The following CNIH3 variants were observed in gnomAD, a reference collection of about 807,000 sequenced individuals.
CNIH3 encodes the protein cornichon family AMPA receptor auxiliary protein 3, also known as protein cornichon homolog 3.
In CNIH3, 14 loss-of-function variants were observed where a neutral mutation model predicts 24.1. The ratio of observed to expected loss-of-function variants is 0.58; its 90% confidence interval spans 0.38 to 0.91. The LOEUF is 0.91. Ranked by LOEUF, CNIH3 falls within the 40% of genes least tolerant of loss-of-function variation. The probability of loss-of-function intolerance (pLI) is 0.00; values close to 1 mark genes in which losing one functional copy is unlikely to be tolerated. For missense variants in CNIH3, 178 were observed against 196.8 expected (o/e 0.90, Z 0.57); for synonymous variants, 68 against 73.8 (o/e 0.92, Z 0.40).
chr1:224,620,684 G>T (rs534579843), intron 1 of CNIH3, among the ~76,000 whole-genome samples: 1 of 152,230 alleles, frequency 6.6e-6, no homozygotes, highest in South Asian at 2.1e-4. Context: ...ATCCAGAAAA[G>T]ATTATCTCTT....
chr1:224,518,824 G>C (rs1196721724), intron 1 of CNIH3, among the ~76,000 whole-genome samples: 2 of 152,334 alleles, frequency 1.3e-5, no homozygotes, highest in South Asian at 4.1e-4. Context: ...CTAGAAGCCA[G>C]CCTTTGGATT....
intron 3 of CNIH3, among the ~76,000 whole-genome samples, chr1:224,556,746 C>G (rs1264208003): frequency 1.3e-5 from 2 of 152,226 alleles, no homozygotes; most frequent in African/African-American, 4.8e-5. Flanking sequence ...GTAGTGCTCT[C>G]TCACCCACTG....
chr1:224,442,447 C>T (rs757586609), intron 1 of CNIH3, among the ~76,000 whole-genome samples: 32 of 152,314 alleles, frequency 2.1e-4, no homozygotes, highest in Non-Finnish European at 4.0e-4. Flanking sequence ...TTGACAAATA[C>T]TGTGGCATAG....
At chr1:224,436,222 C>G (rs940624225) in intron 1 of CNIH3, among the ~76,000 whole-genome samples, 1 of 152,108 alleles carries the variant, frequency 6.6e-6, no homozygotes, top group Non-Finnish European at 1.5e-5. Flanking sequence ...TGAGGCCGAC[C>G]TGAGTTCTAG....
chr1:224,739,997 G>T lies in CNIH3; in HGVS notation c.*641G>T, dbSNP rs1024425157. 2 of 152,156 alleles carry T rather than the reference G, an allele frequency of 1.3e-5. No homozygotes were observed. The highest frequency in any genetic ancestry group is 2.9e-5 in the Non-Finnish European group (2 of 68,066). 9.4% of individuals were successfully genotyped at this position (152,156 alleles called of 1,614,324 possible). On this transcript the variant is annotated 3_prime_UTR_variant, in exon 6 of 6. Coordinates refer to ENST00000272133, the MANE Select transcript of CNIH3 (RefSeq NM_152495.2). ...TATAGGAAAAATGCATTTTTGAAAC[G>T]TTTGCAACATGATCAAGGTGTTAGT...
At chr1:224,633,333 A>AT (rs766845226) in intron 1 of CNIH3, among the ~76,000 whole-genome samples, 119 of 151,852 alleles carry the variant, frequency 7.8e-4, no homozygotes, top group Non-Finnish European at 1.3e-3. Flanking sequence ...AAAGTTTTGT[A>AT]TTTTTTGTAG....
At chr1:224,509,841 C>T (rs1003375995) in intron 1 of CNIH3, among the ~76,000 whole-genome samples, 36 of 152,348 alleles carry the variant, frequency 2.4e-4, no homozygotes, top group African/African-American at 8.4e-4. Flanking sequence ...CTGCAACCTC[C>T]TTCCCTCCTC....
chr1:224,654,331 A>G (rs1272271260), intron 1 of CNIH3, among the ~76,000 whole-genome samples: 3 of 152,160 alleles, frequency 2.0e-5, no homozygotes, highest in Admixed American at 6.5e-5. Context: ...GCAGTGAGCC[A>G]AGGTCACACC....
chr1:224,623,394 C>T (rs893546870), intron 1 of CNIH3, among the ~76,000 whole-genome samples: 6 of 152,142 alleles, frequency 3.9e-5, no homozygotes, highest in Non-Finnish European at 8.8e-5. Flanking sequence ...ACTCTCTTCC[C>T]TCTCTTCTCT....
At chr1:224,498,417 A>G (rs1050630539) in intron 1 of CNIH3, among the ~76,000 whole-genome samples, 5 of 152,168 alleles carry the variant, frequency 3.3e-5, no homozygotes, top group Admixed American at 1.3e-4. Context: ...AGTAAAGTCA[A>G]AAGCTTATAT....
At chr1:224,701,119 A>G (rs983508638) in intron 3 of CNIH3, among the ~76,000 whole-genome samples, 1 of 151,606 alleles carries the variant, frequency 6.6e-6, no homozygotes, top group Admixed American at 6.6e-5. Flanking sequence ...CCCGGAAGCC[A>G]TGGCATGCAT....
intron 1 of CNIH3, among the ~76,000 whole-genome samples, chr1:224,626,827 T>C (rs148414358): frequency 5.9e-4 from 90 of 152,332 alleles, no homozygotes; most frequent in African/African-American, 1.6e-3. Context: ...ATTTATTCTT[T>C]CTACAAGCAG....
chr1:224,678,846 T>C (rs12135077), intron 1 of CNIH3, among the ~76,000 whole-genome samples: 33,883 of 151,950 alleles, frequency 0.22, 3,846 homozygotes, highest in African/African-American at 0.27. Flanking sequence ...TAGAGGCTAC[T>C]GTAGTGGAGA....
chr1:224,481,506 C>T (rs1187947188), intron 1 of CNIH3, among the ~76,000 whole-genome samples: 1 of 152,202 alleles, frequency 6.6e-6, no homozygotes, highest in Non-Finnish European at 1.5e-5. Context: ...CTCTTGCAGA[C>T]TCATAGAGGT....
intron 3 of CNIH3, among the ~76,000 whole-genome samples, chr1:224,606,406 A>C (rs946827244): frequency 6.6e-5 from 10 of 152,082 alleles, no homozygotes; most frequent in African/African-American, 2.4e-4. Flanking sequence ...TGGAGTGGGA[A>C]GATGGTCTTC....
intron 1 of CNIH3, among the ~76,000 whole-genome samples, chr1:224,627,182 G>A (rs1033879624): frequency 1.1e-4 from 16 of 152,108 alleles, no homozygotes; most frequent in Non-Finnish European, 2.2e-4. Flanking sequence ...CACCTCTTTG[G>A]TAGCCTCATT....
chr1:224,602,352 G>A (rs775904997), intron 3 of CNIH3, among the ~76,000 whole-genome samples: 2 of 152,102 alleles, frequency 1.3e-5, no homozygotes, highest in African/African-American at 4.8e-5. Context: ...CATTTCAAAG[G>A]TTACTTCTAT....
chr1:224,720,252 C>CTTTTTTTTTTT, intron 3 of CNIH3, among the ~76,000 whole-genome samples: 1 of 142,086 alleles, frequency 7.0e-6, no homozygotes, highest in Non-Finnish European at 1.5e-5. Context: ...GGATAGTCAT[C>CTTTTTTTTTTT]TTTTTTTTTT....
chr1:224,716,366 C>T (rs1419170943), intron 3 of CNIH3, among the ~76,000 whole-genome samples: 3 of 152,242 alleles, frequency 2.0e-5, no homozygotes, highest in African/African-American at 7.2e-5. Context: ...AAGCCTATAA[C>T]TTCACGCAGG....
Sources: gnomAD v4.1 joint callset for allele counts (sites outside exome capture counted in the v4.1 genomes callset) on GRCh38, gnomAD v4.1.1 for gene constraint, MANE v1.5 for transcripts, NCBI Gene and HGNC (gene_info 2026-07-23, HGNC 2026-07-21) for gene names.